Variants in ITPK1 observed in about 807,000 individuals in gnomAD.
ITPK1 encodes the protein inositol-tetrakisphosphate 1-kinase.
A neutral mutation model predicts 45.3 loss-of-function variants in ITPK1; 21 were observed. That is an observed-to-expected ratio of 0.46 (90% CI 0.33 to 0.67). ITPK1 has a LOEUF of 0.67. Ranked by LOEUF, ITPK1 falls within the 30% of genes least tolerant of loss-of-function variation. The pLI is 0.02. For missense variants in ITPK1, 474 were observed against 573.5 expected (o/e 0.83, Z 1.77); for synonymous variants, 258 against 253.6 (o/e 1.02, Z -0.16).
chr14:92,939,980 G>A lies in ITPK1; in HGVS notation c.*1581C>T, dbSNP rs1326147705. ...GAAAGGTGACGTACAGACATTAATC[G>A]GGGTTCAAAACTCAAGTCGTGTAAA... On this transcript the variant is annotated 3_prime_UTR_variant, in exon 11 of 11. Transcript: ENST00000267615. The A allele has an allele frequency of 5.1e-6, 5 of 985,754 alleles. No individual in the cohort carries two copies. Among genetic ancestry groups the A allele is most frequent in the South Asian group, 9.4e-5 (2 of 21,284 alleles). The allele number at this position is 985,754 out of a possible 1,614,324, so 61.1% of individuals were successfully genotyped here.
intron 2 of ITPK1, among the ~76,000 whole-genome samples, chr14:93,108,371 G>C (rs906015426): frequency 6.6e-6 from 1 of 152,270 alleles, no homozygotes; most frequent in African/African-American, 2.4e-5. Context: ...CAGCTGTTCA[G>C]GAACTGTGCT....
chr14:93,100,653 T>C (rs1195599065), intron 2 of ITPK1, among the ~76,000 whole-genome samples: 2 of 152,092 alleles, frequency 1.3e-5, no homozygotes, highest in East Asian at 1.9e-4. Context: ...CCCAAGGATC[T>C]GACTCAGGAA....
intron 4 of ITPK1, among the ~76,000 whole-genome samples, chr14:93,011,175 G>A (rs1165585637): frequency 1.3e-5 from 2 of 152,236 alleles, no homozygotes. Flanking sequence ...CTGAGAGCCA[G>A]CATAAGCCTC....
intron 2 of ITPK1, among the ~76,000 whole-genome samples, chr14:93,088,823 T>C (rs977799488): frequency 6.6e-6 from 1 of 152,104 alleles, no homozygotes; most frequent in Non-Finnish European, 1.5e-5. Flanking sequence ...GTGGGGAAAT[T>C]CAGAGCAGTT....
intron 3 of ITPK1, among the ~76,000 whole-genome samples, chr14:93,019,961 G>T (rs966224118): frequency 6.6e-6 from 1 of 152,186 alleles, no homozygotes; most frequent in Non-Finnish European, 1.5e-5. Flanking sequence ...CAGAGGACGG[G>T]GTCTGGTTTG....
In ITPK1 at chr14:92,939,955, G is replaced by A. The variant is rs1887277623; in HGVS notation, c.*1606C>T. ...CCCCAGGGCTCAGGGTCAGAACTAG[G>A]AAAGGTGACGTACAGACATTAATCG... On this transcript the variant is annotated 3_prime_UTR_variant, in exon 11 of 11. Coordinates refer to ENST00000267615, the MANE Select transcript of ITPK1 (RefSeq NM_014216.6). 1 of 985,770 alleles carries A rather than the reference G, an allele frequency of 1.0e-6. No homozygotes were observed. The highest frequency in any genetic ancestry group is 1.7e-5 in the African/African-American group (1 of 57,250). 61.1% of individuals were successfully genotyped at this position (985,770 alleles called of 1,614,324 possible).
intron 4 of ITPK1, among the ~76,000 whole-genome samples, chr14:93,005,335 A>G (rs1038817065): frequency 6.6e-6 from 1 of 152,180 alleles, no homozygotes; most frequent in Admixed American, 6.5e-5. Context: ...CTGTGAGCCA[A>G]TATTTAAACC....
At chr14:92,987,572 G>T (rs993019030) in intron 5 of ITPK1, among the ~76,000 whole-genome samples, 2 of 152,182 alleles carry the variant, frequency 1.3e-5, no homozygotes, top group Admixed American at 1.3e-4. Context: ...GGGATTCTGA[G>T]AATCAGCTGT....
intron 2 of ITPK1, among the ~76,000 whole-genome samples, chr14:93,098,932 C>T (rs1368975153): frequency 6.6e-6 from 1 of 152,196 alleles, no homozygotes; most frequent in Non-Finnish European, 1.5e-5. Flanking sequence ...CTGCCCCACT[C>T]GTTTCAGAAA....
At chr14:93,088,252 G>A (rs1372364737) in intron 2 of ITPK1, among the ~76,000 whole-genome samples, 2 of 152,062 alleles carry the variant, frequency 1.3e-5, no homozygotes, top group Non-Finnish European at 2.9e-5. Flanking sequence ...GGATTTGTGA[G>A]TGCCAGGCAC....
intron 10 of ITPK1, among the ~76,000 whole-genome samples, chr14:92,944,367 C>T (rs941579): frequency 0.074 from 11,267 of 152,146 alleles, 508 homozygotes; most frequent in East Asian, 0.23. Flanking sequence ...CACCAGTCTC[C>T]GCCAGGCTCA....
chr14:93,066,318 GTAT>G (rs1566766137), intron 3 of ITPK1: 25 of 445,302 alleles, frequency 5.6e-5, no homozygotes, highest in Non-Finnish European at 1.1e-4. Context: ...GTGTGTGTGT[GTAT>G]GTGTGTGTGT....
rs532646415 is a variant in ITPK1 at position 92,938,654 on chromosome 14, G to A, written c.*2907C>T. ...GGTTGCAGCTGGGTCCAATCCCGCC[G>A]GCCATGCTGGGTGACTGCAGGCCCA... On this transcript the variant is annotated 3_prime_UTR_variant, in exon 11 of 11. Transcript: ENST00000267615. 39 of 741,012 alleles carry A rather than the reference G, an allele frequency of 5.3e-5. No individual in the cohort carries two copies. The South Asian group carries it at 5.4e-4, about 10-fold the overall frequency. The allele number at this position is 741,012 out of a possible 1,614,324, so 45.9% of individuals were successfully genotyped here.
At chr14:93,050,358 G>A (rs1266772306) in intron 3 of ITPK1, among the ~76,000 whole-genome samples, 1 of 152,078 alleles carries the variant, frequency 6.6e-6, no homozygotes, top group Non-Finnish European at 1.5e-5. Flanking sequence ...GCAAGCCCCC[G>A]AATATGTCCT....
Position 92,939,694 on chromosome 14 carries a change from C to T in ITPK1, c.*1867G>A, listed in dbSNP as rs886301897. On this transcript the variant is annotated 3_prime_UTR_variant, in exon 11 of 11. Transcript: ENST00000267615. ...CGCGCAAGACCCCGGAGGCCACAAA[C>T]GGTACAGGAACACAGCCAGGAGTCA... The T allele has an allele frequency of 7.1e-6, 7 of 985,262 alleles. No individual in the cohort carries two copies. The highest frequency in any genetic ancestry group is 1.1e-4 in the East Asian group (1 of 8,824). 61.0% of individuals were successfully genotyped at this position (985,262 alleles called of 1,614,324 possible).
intron 2 of ITPK1, among the ~76,000 whole-genome samples, chr14:93,112,213 T>C (rs1892781925): frequency 6.6e-6 from 1 of 152,102 alleles, no homozygotes; most frequent in Non-Finnish European, 1.5e-5. Flanking sequence ...GGTAGCCAGG[T>C]TGGACCCATT....
chr14:93,013,718 C>T (rs1212668516), intron 4 of ITPK1, among the ~76,000 whole-genome samples: 1 of 152,212 alleles, frequency 6.6e-6, no homozygotes, highest in Admixed American at 6.5e-5. Context: ...CCTATAGCAT[C>T]CCTATCCCTC....
chr14:93,026,453 C>T (rs1888731438), intron 3 of ITPK1, among the ~76,000 whole-genome samples: 1 of 152,184 alleles, frequency 6.6e-6, no homozygotes, highest in Non-Finnish European at 1.5e-5. Flanking sequence ...ATTATGATAA[C>T]CATGTTTTAT....
intron 8 of ITPK1, among the ~76,000 whole-genome samples, chr14:92,952,564 T>C (rs1888008712): frequency 6.6e-6 from 1 of 152,170 alleles, no homozygotes; most frequent in South Asian, 2.1e-4. Flanking sequence ...TCAGAGAATG[T>C]AGGCTTCCAC....
Sources: gnomAD v4.1 joint callset for allele counts (sites outside exome capture counted in the v4.1 genomes callset) on GRCh38, gnomAD v4.1.1 for gene constraint, MANE v1.5 for transcripts, NCBI Gene and HGNC (gene_info 2026-07-23, HGNC 2026-07-21) for gene names.